The following PTDSS2 variants were observed in gnomAD, a reference collection of about 807,000 sequenced individuals.
The protein encoded by PTDSS2 is PSS-2.
In PTDSS2, 41 loss-of-function variants were observed where a neutral mutation model predicts 64.7. That is an observed-to-expected ratio of 0.63 (90% confidence interval 0.49 to 0.82). PTDSS2 has a LOEUF of 0.82. PTDSS2 is among the 40% of genes least tolerant of loss of function. The pLI is 0.00. For synonymous variants in PTDSS2, 297 were observed against 277.8 expected, an observed-to-expected ratio of 1.07 and a Z score of -0.69; for missense variants, 485 against 650.0, an observed-to-expected ratio of 0.75 and a Z score of 2.76.
intron 3 of PTDSS2, among the ~76,000 whole-genome samples, chr11:474,249 G>T (rs1251201745): frequency 6.6e-6 from 1 of 152,138 alleles, no homozygotes; most frequent in Non-Finnish European, 1.5e-5. Flanking sequence ...TCCTGCTTCT[G>T]CCTCCTCTTT....
intron 2 of PTDSS2, among the ~76,000 whole-genome samples, chr11:468,871 A>G (rs1194068314): frequency 7.9e-6 from 1 of 127,300 alleles, no homozygotes; most frequent in Non-Finnish European, 1.6e-5. Context: ...GGAGTCTCTG[A>G]ATAATTGGAG....
rs141869051 is a variant in PTDSS2 at position 486,188 on chromosome 11, A to G, written c.436-751A>G. The stretch of plus-strand genomic sequence containing the variant: ...CAGGCCCAAAAGCCTGCCTTGCCCT[A>G]AGGTCAAGAGGTGTATCTGGCTGAT... On this transcript the variant is annotated intron_variant, in intron 4 of 11. Transcript: ENST00000308020. 8.8e-4 allele frequency among the ~76,000 whole-genome samples: 134 copies of G among 152,236 alleles called. 1 individual carries two copies. Among genetic ancestry groups the G allele is most frequent in the Admixed American group, 4.4e-3 (67 of 15,304 alleles).
chr11:490,700 C>T lies in PTDSS2; in HGVS notation c.*118C>T. On this transcript the variant is annotated 3_prime_UTR_variant, in exon 12 of 12. Transcript: ENST00000308020. ...TGCCCTCAAGGTTTTTTGCTTTTCTCCTGTGCACCTGGCGAGGCTGAAGGC... is the reference window on the plus strand; with the variant it reads ...TGCCCTCAAGGTTTTTTGCTTTTCTTCTGTGCACCTGGCGAGGCTGAAGGC... The T allele has an allele frequency of 2.8e-6, 3 of 1,090,562 alleles. No homozygotes were observed. Among genetic ancestry groups the T allele is most frequent in the Non-Finnish European group, 3.8e-6 (3 of 779,534 alleles). The allele number at this position is 1,090,562 out of a possible 1,614,324, so 67.6% of individuals were successfully genotyped here.
chr11:476,650 C>T lies in PTDSS2; in HGVS notation c.368-2435C>T, dbSNP rs2133810744. ...ACCCTCAGCTCTGAGCAGTCAGGAGCTCTGGCGCAGGTCACCTGGCGGGAT... is the reference window on the plus strand; with the variant it reads ...ACCCTCAGCTCTGAGCAGTCAGGAGTTCTGGCGCAGGTCACCTGGCGGGAT... On this transcript the variant is annotated intron_variant, in intron 3 of 11. Transcript: ENST00000308020. This position sits in a 1 kb window ranked among gnomAD's most constrained non-coding sequence, Gnocchi z 4.9. Among the ~76,000 whole-genome samples the T allele has an allele frequency of 6.6e-6, 1 of 152,270 alleles. No homozygotes were observed. The highest frequency in any genetic ancestry group is 1.9e-4 in the East Asian group (1 of 5,168).
In PTDSS2 at chr11:450,417, G is replaced by A; in HGVS notation, c.-39G>A. Reference sequence around the variant, plus strand: ...TCGCCGGTGACCCGGTGTGCGTGGGGTCGAGGCGCCGGGCGGAGTGGCTCC... The same window carrying A: ...TCGCCGGTGACCCGGTGTGCGTGGGATCGAGGCGCCGGGCGGAGTGGCTCC... On this transcript the variant is annotated 5_prime_UTR_variant, in exon 1 of 12. Coordinates refer to ENST00000308020, the MANE Select transcript of PTDSS2 (RefSeq NM_030783.3). The A allele has an allele frequency of 8.2e-7, 1 of 1,220,266 alleles. No individual in the cohort carries two copies. Among genetic ancestry groups the A allele is most frequent in the Non-Finnish European group, 1.0e-6 (1 of 979,894 alleles). The allele number at this position is 1,220,266 out of a possible 1,614,324, so 75.6% of individuals were successfully genotyped here. A position where few individuals can be genotyped will look rare whatever the true frequency, so the allele number is the denominator to read the frequency against.
intron 11 of PTDSS2, 74 bp downstream of exon 11, chr11:490,142 G>A (rs757338492): frequency 2.6e-5 from 38 of 1,453,348 alleles, no homozygotes; most frequent in African/African-American, 4.2e-5. Flanking sequence ...CACTGTGGGA[G>A]TTTGGTGTCG....
At chr11:452,722 G>GT (rs1229039629) in intron 1 of PTDSS2, among the ~76,000 whole-genome samples, 2 of 152,128 alleles carry the variant, frequency 1.3e-5, no homozygotes, top group Non-Finnish European at 2.9e-5. Context: ...GCAGAGGAAG[G>GT]AGCTTCACGC....
chr11:487,500 G>T, intron 6 of PTDSS2, 30 bp downstream of exon 6: 1 of 1,607,574 alleles, frequency 6.2e-7, no homozygotes, highest in South Asian at 1.1e-5. Flanking sequence ...CGGCCTCCCC[G>T]CCCCGGTTCT....
intron 2 of PTDSS2, among the ~76,000 whole-genome samples, chr11:467,827 C>T (rs959788823): frequency 3.3e-5 from 5 of 152,160 alleles, no homozygotes; most frequent in Non-Finnish European, 7.3e-5. Context: ...GAATTGAAAA[C>T]TTATGTCCAC....
chr11:458,507 A>AT (rs3082636), intron 1 of PTDSS2, among the ~76,000 whole-genome samples: 5,634 of 93,878 alleles, frequency 0.06, 363 homozygotes, highest in African/African-American at 0.11. Flanking sequence ...GCCTGGCCTG[A>AT]TTTTTTTTTT....
intron 4 of PTDSS2, among the ~76,000 whole-genome samples, chr11:485,727 G>A (rs1848333426): frequency 7.7e-6 from 1 of 129,882 alleles, no homozygotes; most frequent in Non-Finnish European, 1.7e-5. Flanking sequence ...AACTGCACGG[G>A]CGCGTGTGCT....
chr11:449,953 G>C (rs1185065423), upstream of PTDSS2, among the ~76,000 whole-genome samples: 1 of 152,180 alleles, frequency 6.6e-6, no homozygotes, highest in Non-Finnish European at 1.5e-5. Flanking sequence ...GTCTCAAAAA[G>C]GAATGACCCG....
chr11:475,004 A>ATACGGACATATTCACGC (rs1847674817), intron 3 of PTDSS2, among the ~76,000 whole-genome samples: 1 of 69,050 alleles, frequency 1.4e-5, no homozygotes, highest in African/African-American at 7.8e-5. Context: ...CATATTCACG[A>ATACGGACATATTCACGC]GTTTGTGTGA....
chr11:489,586 A>G lies in PTDSS2; in HGVS notation c.970-2A>G. The G allele has an allele frequency of 6.2e-7, 1 of 1,603,614 alleles. No homozygotes were observed. Among genetic ancestry groups the G allele is most frequent in the East Asian group, 2.3e-5 (1 of 44,396 alleles). ...GCTGGTGCTCACCCTCTCCTCCCCT[A>G]GTTCCTGTTGGCAGAACTGAACACG... On this transcript the variant is annotated splice_acceptor_variant, in intron 9 of 11. Coordinates refer to ENST00000308020, the MANE Select transcript of PTDSS2 (RefSeq NM_030783.3). LOFTEE classifies it high-confidence loss of function.
rs567716547 is a variant in PTDSS2 at position 487,156 on chromosome 11, G to A, written c.570+83G>A. 31 of 1,295,830 alleles carry A rather than the reference G, an allele frequency of 2.4e-5. 1 individual carries two copies. Among genetic ancestry groups the A allele is most frequent in the South Asian group, 7.9e-5 (6 of 75,474 alleles). The allele number at this position is 1,295,830 out of a possible 1,614,324, so 80.3% of individuals were successfully genotyped here. A position where few individuals can be genotyped will look rare whatever the true frequency, so the allele number is the denominator to read the frequency against. ...CAGGCGCCATCCACGCTCCTGCCTCGCACCCCTCAGCCCACACTTGGGGTC... is the reference window on the plus strand; with the variant it reads ...CAGGCGCCATCCACGCTCCTGCCTCACACCCCTCAGCCCACACTTGGGGTC... On this transcript the variant is annotated intron_variant, in intron 5 of 11. Coordinates refer to ENST00000308020, the MANE Select transcript of PTDSS2 (RefSeq NM_030783.3).
At chr11:477,433 A>T (rs1395269192) in intron 3 of PTDSS2, among the ~76,000 whole-genome samples, 28 of 152,038 alleles carry the variant, frequency 1.8e-4, no homozygotes, top group Admixed American at 1.8e-3. Context: ...GGGGTCAGGG[A>T]GGTGCTGGAG....
At chr11:453,552 A>T (rs983767438) in intron 1 of PTDSS2, among the ~76,000 whole-genome samples, 1 of 152,240 alleles carries the variant, frequency 6.6e-6, no homozygotes, top group African/African-American at 2.4e-5. Flanking sequence ...TGACCTTCAG[A>T]TACCCCAGGT....
In PTDSS2 at chr11:470,601, AT is replaced by A. The variant is rs1183028587; in HGVS notation, c.285-3288del. ...TTATTTTTTATGTTTATTTTATTTTATTTTTTGAGACAGAGTATCACTGTGT... is the reference window on the plus strand; with the variant it reads ...TTATTTTTTATGTTTATTTTATTTTATTTTTGAGACAGAGTATCACTGTGT... On this transcript the variant is annotated intron_variant, in intron 2 of 11. Coordinates refer to ENST00000308020, the MANE Select transcript of PTDSS2 (RefSeq NM_030783.3). The surrounding 1 kb of genome is among the most constrained non-coding windows in gnomAD (Gnocchi z 5.3). Among the ~76,000 whole-genome samples, 3 of 151,862 alleles carry A rather than the reference AT, an allele frequency of 2.0e-5. No individual in the cohort carries two copies. Among genetic ancestry groups the A allele is most frequent in the Admixed American group, 6.6e-5 (1 of 15,202 alleles).
At position 460,352 on chromosome 11, in the gene PTDSS2, C is replaced by G; in HGVS notation, c.284+64C>G. ...GTGCCCCGTGTGGTGGGTGTGGCAC[C>G]CTTACTGCTCGGGCTGCCGGGGGCT... is the stretch of plus-strand genomic sequence containing the variant. On this transcript the variant is annotated intron_variant, in intron 2 of 11. Coordinates refer to ENST00000308020, the MANE Select transcript of PTDSS2 (RefSeq NM_030783.3). This position sits in a 1 kb window ranked among gnomAD's most constrained non-coding sequence, Gnocchi z 5.8. 3.6e-6 allele frequency: 5 copies of G among 1,389,954 alleles called. No homozygotes were observed. The highest frequency in any genetic ancestry group is 5.1e-6 in the Non-Finnish European group (5 of 983,810). 86.1% of individuals were successfully genotyped at this position (1,389,954 alleles called of 1,614,324 possible). A position where few individuals can be genotyped will look rare whatever the true frequency, so the allele number is the denominator to read the frequency against.
Sources: allele counts gnomAD v4.1 joint callset (sites outside exome capture counted in the v4.1 genomes callset), GRCh38; gene constraint gnomAD v4.1.1; non-coding constraint Gnocchi (gnomAD v3.1); transcripts MANE v1.5; gene names NCBI Gene and HGNC (gene_info 2026-07-23, HGNC 2026-07-21).